DRAM1: variants seen among roughly 807,000 people sequenced by gnomAD.
DRAM1 encodes the protein DNA damage regulated autophagy modulator 1, also known as DNA damage-regulated autophagy modulator protein 1.
A neutral mutation model predicts 28.5 loss-of-function variants in DRAM1; 25 were observed. That is an observed-to-expected ratio of 0.88 (90% confidence interval 0.64 to 1.23). The LOEUF is 1.23. DRAM1 is among the 50% of genes most tolerant of loss of function. The probability of loss-of-function intolerance (pLI) is 0.00; values close to 1 mark genes in which losing one functional copy is unlikely to be tolerated. For synonymous variants in DRAM1, 113 were observed against 114.2 expected (o/e 0.99, Z 0.07); for missense variants, 249 against 299.2 (o/e 0.83, Z 1.24).
chr12:101,917,276 G>A (rs924288585), intron 5 of DRAM1, among the ~76,000 whole-genome samples: 2 of 152,230 alleles, frequency 1.3e-5, no homozygotes, highest in East Asian at 3.8e-4. Context: ...CACCAGGGTG[G>A]CTAGAGGAGA....
At chr12:101,907,172 C>T (rs1873847221) in intron 3 of DRAM1, among the ~76,000 whole-genome samples, 1 of 131,562 alleles carries the variant, frequency 7.6e-6, no homozygotes, top group Admixed American at 8.5e-5. Context: ...TGCACTCCCA[C>T]CTAAGCGACG....
rs543072828 is a variant in DRAM1 at position 101,895,545 on chromosome 12, G to T, written c.132-2318G>T. ...GAAATTGAATTAATTTGGAATAAAG[G>T]CATTTGCTGTAAGGGAGGCTATTTT... is the stretch of plus-strand genomic sequence containing the variant. On this transcript the variant is annotated intron_variant, in intron 1 of 6. Coordinates refer to ENST00000258534, the MANE Select transcript of DRAM1 (RefSeq NM_018370.3). Among the ~76,000 whole-genome samples the T allele has an allele frequency of 2.0e-5, 3 of 147,452 alleles. No homozygotes were observed. In the South Asian group the frequency reaches 6.5e-4, roughly 32 times the overall value.
At chr12:101,890,039 G>C (rs1873045595) in intron 1 of DRAM1, 1 of 453,402 alleles carries the variant, frequency 2.2e-6, no homozygotes, top group Admixed American at 2.4e-5. Flanking sequence ...TGCCAAGGAA[G>C]TGTTCATTTC....
intron 1 of DRAM1, among the ~76,000 whole-genome samples, chr12:101,884,178 G>T (rs1029916903): frequency 2.6e-5 from 4 of 151,750 alleles, no homozygotes; most frequent in African/African-American, 9.7e-5. Context: ...CTTGAGTCCG[G>T]GTGTTTGAGA....
At chr12:101,886,030 A>AC (rs1266251237) in intron 1 of DRAM1, among the ~76,000 whole-genome samples, 1 of 152,000 alleles carries the variant, frequency 6.6e-6, no homozygotes, top group Non-Finnish European at 1.5e-5. Context: ...TGTTTCATTA[A>AC]CCTTGTTAGT....
chr12:101,879,690 T>A lies in DRAM1; in HGVS notation c.131+1770T>A, dbSNP rs149132981. 8.4e-4 allele frequency among the ~76,000 whole-genome samples: 128 copies of A among 152,268 alleles called. 1 individual carries two copies. Among genetic ancestry groups the A allele is most frequent in the African/African-American group, 3.0e-3 (123 of 41,554 alleles). On this transcript the variant is annotated intron_variant, in intron 1 of 6. Transcript: ENST00000258534. ...TGAAGCAGGATAGATCCTTCTAGAC[T>A]TGTGTAAAAGTAAAGACCTGCTCAG...
At chr12:101,904,702 A>G (rs1210771307) in intron 3 of DRAM1, among the ~76,000 whole-genome samples, 3 of 151,818 alleles carry the variant, frequency 2.0e-5, no homozygotes, top group Admixed American at 2.0e-4. Flanking sequence ...CGGCCTCCCA[A>G]AGTGCTGGGA....
At chr12:101,899,961 A>C (rs4764838) in intron 2 of DRAM1, among the ~76,000 whole-genome samples, 16,232 of 152,264 alleles carry the variant, frequency 0.11, 1,072 homozygotes, top group East Asian at 0.24. Flanking sequence ...TTTTTCTATA[A>C]GATAAATTTG....
intron 3 of DRAM1, among the ~76,000 whole-genome samples, chr12:101,902,388 T>A (rs10778158): frequency 0.41 from 62,179 of 151,954 alleles, 13,749 homozygotes; most frequent in African/African-American, 0.58. Flanking sequence ...GTCATCTTCC[T>A]AGAGCCTGTG....
intron 1 of DRAM1, among the ~76,000 whole-genome samples, chr12:101,879,255 C>G (rs1324048831): frequency 1.3e-5 from 2 of 152,106 alleles, no homozygotes; most frequent in Non-Finnish European, 2.9e-5. Context: ...GCCTTGGCCT[C>G]CCAAAATGCT....
chr12:101,890,689 A>G (rs1226195215), intron 1 of DRAM1, among the ~76,000 whole-genome samples: 2 of 152,038 alleles, frequency 1.3e-5, no homozygotes, highest in African/African-American at 4.8e-5. Flanking sequence ...ATTTGTCAGT[A>G]GGAAATTCTT....
intron 1 of DRAM1, among the ~76,000 whole-genome samples, chr12:101,895,186 GTTTTTTTTTTTTT>G (rs574722379): frequency 1.2e-3 from 93 of 75,734 alleles, no homozygotes; most frequent in South Asian, 3.3e-3. Flanking sequence ...AACCCTTCAG[GTTTTTTTTTTTTT>G]TTTTTTTTTT....
chr12:101,884,187 G>A (rs1226460336), intron 1 of DRAM1, among the ~76,000 whole-genome samples: 1 of 151,732 alleles, frequency 6.6e-6, no homozygotes, highest in Non-Finnish European at 1.5e-5. Flanking sequence ...GGGTGTTTGA[G>A]ACCAGCCATG....
intron 4 of DRAM1, among the ~76,000 whole-genome samples, chr12:101,910,227 T>C (rs1483382578): frequency 6.6e-6 from 1 of 152,182 alleles, no homozygotes; most frequent in Non-Finnish European, 1.5e-5. Flanking sequence ...GCTTCTCAAA[T>C]CCCTTGTCTT....
At chr12:101,883,940 A>AT (rs200002638) in intron 1 of DRAM1, among the ~76,000 whole-genome samples, 11,156 of 140,752 alleles carry the variant, frequency 0.079, 476 homozygotes, top group East Asian at 0.21. Context: ...TCTCAAAAAA[A>AT]AAAAAAATAA....
chr12:101,896,195 C>T (rs1594299102), intron 1 of DRAM1, among the ~76,000 whole-genome samples: 1 of 152,302 alleles, frequency 6.6e-6, no homozygotes, highest in Admixed American at 6.5e-5. Flanking sequence ...GCCCTATTAA[C>T]TTCTTTATAC....
chr12:101,914,629 C>T (rs1376211931), intron 5 of DRAM1, among the ~76,000 whole-genome samples: 3 of 151,762 alleles, frequency 2.0e-5, no homozygotes, highest in East Asian at 3.9e-4. Context: ...ACTACAGGCA[C>T]CTGCCACAAG....
Position 101,921,542 on chromosome 12 carries a change from A to G in DRAM1, c.*282A>G. 1 of 256,022 alleles carries G rather than the reference A, an allele frequency of 3.9e-6. No individual in the cohort carries two copies. The allele number at this position is 256,022 out of a possible 1,614,324, so 15.9% of individuals were successfully genotyped here. ...CAGAAAAAATAAGGTGTTACAAAAAATGGAGAGCTCTTATTTTTGTACAGA... is the reference window on the plus strand; with the variant it reads ...CAGAAAAAATAAGGTGTTACAAAAAGTGGAGAGCTCTTATTTTTGTACAGA... On this transcript the variant is annotated 3_prime_UTR_variant, in exon 7 of 7. Transcript: ENST00000258534.
chr12:101,895,186 G>GTTTTTTTTTTTTTTTTTTTTTTTT lies in DRAM1; in HGVS notation c.132-2670_132-2647dup, dbSNP rs574722379. On this transcript the variant is annotated intron_variant, in intron 1 of 6. Transcript: ENST00000258534. ...TAATGCTAAATTCGAAACCCTTCAG[G>GTTTTTTTTTTTTTTTTTTTTTTTT]TTTTTTTTTTTTTTTTTTTTTTTTT... Among the ~76,000 whole-genome samples the GTTTTTTTTTTTTTTTTTTTTTTTT allele has an allele frequency of 5.3e-5, 4 of 75,734 alleles. No individual in the cohort carries two copies. In the East Asian group the frequency reaches 2.6e-3, roughly 50 times the overall value. The allele number at this position is 75,734 out of a possible 152,430, so 49.7% of individuals were successfully genotyped here. A position where few individuals can be genotyped will look rare whatever the true frequency, so the allele number is the denominator to read the frequency against.
Sources: allele counts gnomAD v4.1 joint callset (sites outside exome capture counted in the v4.1 genomes callset), GRCh38; gene constraint gnomAD v4.1.1; transcripts MANE v1.5; gene names NCBI Gene and HGNC (gene_info 2026-07-23, HGNC 2026-07-21).